Variants in MACROD2 observed in about 807,000 individuals in gnomAD.
MACROD2 encodes ADP-ribose glycohydrolase MACROD2.
A neutral mutation model predicts 70.4 loss-of-function variants in MACROD2; 36 were observed. That is an observed-to-expected ratio of 0.51 (90% CI 0.39 to 0.68). The LOEUF (loss-of-function observed/expected upper bound fraction) is 0.68, where lower values mean the gene tolerates loss of function less well. Among genes scored for constraint, MACROD2 ranks in the 30% least tolerant of loss-of-function variants. The pLI is 0.00. For missense variants in MACROD2, 496 were observed against 538.4 expected (o/e 0.92, Z 0.78); for synonymous variants, 172 against 178.8 (o/e 0.96, Z 0.30).
At chr20:15,084,066 T>TGTTTTG (rs1337648657) in intron 5 of MACROD2, among the ~76,000 whole-genome samples, 1 of 68,338 alleles carries the variant, frequency 1.5e-5, no homozygotes, top group East Asian at 4.7e-4. Flanking sequence ...TAGGTTTTTT[T>TGTTTTG]TTTTTGTTTT....
intron 6 of MACROD2, among the ~76,000 whole-genome samples, chr20:15,395,184 C>G (rs1345379966): frequency 6.6e-6 from 1 of 152,212 alleles, no homozygotes; most frequent in Non-Finnish European, 1.5e-5. Context: ...CTGCCACAGT[C>G]TACCCACTAC....
intron 2 of MACROD2, among the ~76,000 whole-genome samples, chr20:14,002,798 G>T (rs1452339429): frequency 6.6e-6 from 1 of 152,032 alleles, no homozygotes; most frequent in African/African-American, 2.4e-5. Context: ...CTGAAAGAGA[G>T]AGTATATTAG....
At chr20:15,815,276 A>G (rs1238391110) in intron 8 of MACROD2, among the ~76,000 whole-genome samples, 1 of 152,202 alleles carries the variant, frequency 6.6e-6, no homozygotes, top group African/African-American at 2.4e-5. Context: ...CACATAACTT[A>G]TTTTATGGAC....
At chr20:15,742,095 C>T (rs1267681447) in intron 8 of MACROD2, among the ~76,000 whole-genome samples, 1 of 152,102 alleles carries the variant, frequency 6.6e-6, no homozygotes, top group Non-Finnish European at 1.5e-5. Flanking sequence ...TAAATTTCTC[C>T]TTTCATTAAT....
intron 8 of MACROD2, among the ~76,000 whole-genome samples, chr20:15,589,252 TG>T (rs1256677500): frequency 1.3e-5 from 2 of 152,212 alleles, no homozygotes; most frequent in African/African-American, 4.8e-5. Flanking sequence ...TACCTACTCC[TG>T]GGTCCCTCCC....
At chr20:14,653,255 G>T (rs1158322064) in intron 4 of MACROD2, among the ~76,000 whole-genome samples, 2 of 139,138 alleles carry the variant, frequency 1.4e-5, no homozygotes, top group African/African-American at 5.4e-5. Context: ...GTTTCGCTCT[G>T]TTGCCCAGGC....
chr20:15,832,544 T>C (rs2064067636), intron 8 of MACROD2, among the ~76,000 whole-genome samples: 1 of 152,182 alleles, frequency 6.6e-6, no homozygotes, highest in Admixed American at 6.5e-5. Context: ...GTACAGCCAT[T>C]GCCACAGGTG....
chr20:15,867,507 T>C (rs553281417), intron 9 of MACROD2, among the ~76,000 whole-genome samples: 1 of 152,326 alleles, frequency 6.6e-6, no homozygotes, highest in East Asian at 1.9e-4. Flanking sequence ...ATAGTTACAG[T>C]GCACCATTAC....
intron 2 of MACROD2, among the ~76,000 whole-genome samples, chr20:14,036,673 A>T (rs1021218527): frequency 1.3e-5 from 2 of 152,054 alleles, no homozygotes; most frequent in African/African-American, 2.4e-5. Flanking sequence ...GTAAATATCT[A>T]TTGATTACCT....
intron 6 of MACROD2, among the ~76,000 whole-genome samples, chr20:15,341,151 C>T (rs545223056): frequency 6.6e-6 from 1 of 152,312 alleles, no homozygotes; most frequent in South Asian, 2.1e-4. Flanking sequence ...AAAACCCTCA[C>T]ATCCACACTC....
chr20:14,309,846 C>T, intron 3 of MACROD2, among the ~76,000 whole-genome samples: 1 of 152,104 alleles, frequency 6.6e-6, no homozygotes, highest in East Asian at 1.9e-4. Context: ...TAAACATTTG[C>T]TATGCTATAG....
chr20:14,000,447 T>C, intron 1 of MACROD2, among the ~76,000 whole-genome samples: 1 of 152,224 alleles, frequency 6.6e-6, no homozygotes, highest in Non-Finnish European at 1.5e-5. Context: ...GAAATAGTCT[T>C]TTAAAGTGGT....
At chr20:15,427,125 A>G (rs2046308874) in intron 6 of MACROD2, among the ~76,000 whole-genome samples, 1 of 152,166 alleles carries the variant, frequency 6.6e-6, no homozygotes, top group African/African-American at 2.4e-5. Context: ...TTTTTCCACA[A>G]TACTCTATTT....
At chr20:15,063,871 C>G (rs2075553479) in intron 5 of MACROD2, among the ~76,000 whole-genome samples, 1 of 152,174 alleles carries the variant, frequency 6.6e-6, no homozygotes, top group African/African-American at 2.4e-5. Context: ...GAAATTAAAT[C>G]TAGCTGCAAC....
chr20:14,271,076 C>A (rs1487245092), intron 3 of MACROD2, among the ~76,000 whole-genome samples: 1 of 152,208 alleles, frequency 6.6e-6, no homozygotes, highest in Non-Finnish European at 1.5e-5. Flanking sequence ...CACAGACAAA[C>A]AAAAAGACAG....
chr20:14,543,357 C>T (rs1309884522), intron 4 of MACROD2, among the ~76,000 whole-genome samples: 1 of 152,182 alleles, frequency 6.6e-6, no homozygotes, highest in African/African-American at 2.4e-5. Context: ...CACACAACCA[C>T]TCTATCTCAA....
At chr20:15,663,645 T>A (rs141234219) in intron 8 of MACROD2, among the ~76,000 whole-genome samples, 38 of 152,134 alleles carry the variant, frequency 2.5e-4, no homozygotes, top group Non-Finnish European at 3.7e-4. Flanking sequence ...GTGTCTGGGC[T>A]TGTACTAGCC....
At chr20:14,275,257 G>A (rs1275457226) in intron 3 of MACROD2, among the ~76,000 whole-genome samples, 1 of 151,976 alleles carries the variant, frequency 6.6e-6, no homozygotes, top group Non-Finnish European at 1.5e-5. Context: ...TAACCCAAAC[G>A]GCATGGTACT....
intron 3 of MACROD2, among the ~76,000 whole-genome samples, chr20:14,125,164 G>A (rs1601251370): frequency 6.6e-6 from 1 of 152,234 alleles, no homozygotes; most frequent in Non-Finnish European, 1.5e-5. Context: ...GATAGGGAGT[G>A]ACTGTTTAAT....
Sources: allele counts gnomAD v4.1 joint callset (sites outside exome capture counted in the v4.1 genomes callset), GRCh38; gene constraint gnomAD v4.1.1; transcripts MANE v1.5; gene names NCBI Gene and HGNC (gene_info 2026-07-23, HGNC 2026-07-21).